The following TRHDE variants were observed in gnomAD, a reference collection of about 807,000 sequenced individuals.
TRHDE encodes the protein thyrotropin releasing hormone degrading enzyme.
In TRHDE, 72 loss-of-function variants were observed where a neutral mutation model predicts 125.7. That is an observed-to-expected ratio of 0.57 (90% CI 0.47 to 0.70). The LOEUF (loss-of-function observed/expected upper bound fraction) is 0.70. Among genes scored for constraint, TRHDE ranks in the 30% least tolerant of loss-of-function variants. TRHDE has a pLI of 0.00. For missense variants in TRHDE, 1,110 were observed against 1,327.1 expected (o/e 0.84, Z 2.54); for synonymous variants, 509 against 509.1 (o/e 1.00, Z 0.00).
intron 2 of TRHDE, among the ~76,000 whole-genome samples, chr12:72,337,658 T>C (rs941647272): frequency 6.6e-5 from 10 of 152,002 alleles, no homozygotes; most frequent in Admixed American, 2.0e-4. Context: ...CTATTCCCCT[T>C]TGCGTGCTCT....
intron 2 of TRHDE, among the ~76,000 whole-genome samples, chr12:72,317,792 G>A (rs2135706651): frequency 6.6e-6 from 1 of 152,222 alleles, no homozygotes; most frequent in East Asian, 1.9e-4. Context: ...GGAATGGGCA[G>A]GGAACATTCA....
intron 1 of TRHDE, among the ~76,000 whole-genome samples, chr12:72,275,645 AT>A (rs948033411): frequency 4.8e-4 from 73 of 152,096 alleles, no homozygotes; most frequent in African/African-American, 1.8e-3. Flanking sequence ...CTTTTGAAAA[AT>A]CCTGTTTTTT....
intron 2 of TRHDE, among the ~76,000 whole-genome samples, chr12:72,187,646 A>G (rs1191242035): frequency 6.6e-6 from 1 of 152,116 alleles, no homozygotes; most frequent in Non-Finnish European, 1.5e-5. Context: ...TCCTCTACCT[A>G]TCTTCTCTAG....
intron 2 of TRHDE, among the ~76,000 whole-genome samples, chr12:72,217,081 A>T (rs1340650044): frequency 6.6e-6 from 1 of 151,956 alleles, no homozygotes; most frequent in Non-Finnish European, 1.5e-5. Flanking sequence ...TTCAGTGTAC[A>T]TTGCTGTCCT....
At chr12:72,478,932 A>AC (rs1191553638) in intron 5 of TRHDE, among the ~76,000 whole-genome samples, 4 of 151,316 alleles carry the variant, frequency 2.6e-5, no homozygotes, top group South Asian at 4.2e-4. Context: ...CAAAAAAAAA[A>AC]AAAAAAAAAC....
At chr12:72,172,950 A>G (rs911775104) in intron 2 of TRHDE, among the ~76,000 whole-genome samples, 2 of 152,186 alleles carry the variant, frequency 1.3e-5, no homozygotes, top group African/African-American at 4.8e-5. Context: ...CTGCTGCCCT[A>G]GTGAGATGAG....
intron 15 of TRHDE, 29 bp downstream of exon 15, chr12:72,621,780 A>T: frequency 6.7e-7 from 1 of 1,488,242 alleles, no homozygotes; most frequent in Non-Finnish European, 9.3e-7. Context: ...TGTATTTCTG[A>T]TATTATTTAA....
At chr12:72,527,442 G>A (rs567861782) in intron 6 of TRHDE, among the ~76,000 whole-genome samples, 2 of 152,126 alleles carry the variant, frequency 1.3e-5, no homozygotes, top group South Asian at 2.1e-4. Context: ...CATGGAGAAC[G>A]TATACAAAAA....
At position 72,668,775 on chromosome 12, in the gene TRHDE, A is replaced by C. The variant is rs1362951334; in HGVS notation, c.*5580A>C. 1.3e-5 allele frequency: 2 copies of C among 151,904 alleles called. No individual in the cohort carries two copies. Among genetic ancestry groups the C allele is most frequent in the Non-Finnish European group, 2.9e-5 (2 of 67,862 alleles). The allele number at this position is 151,904 out of a possible 1,614,324, so 9.4% of individuals were successfully genotyped here. A position where few individuals can be genotyped will look rare whatever the true frequency, so the allele number is the denominator to read the frequency against. On this transcript the variant is annotated 3_prime_UTR_variant, in exon 19 of 19. Transcript: ENST00000261180. Reference sequence around the variant, plus strand: ...GGAGGCAGAGTTGTTATCAGTTTACATAATTAATTAGTGGTATTCACTTGG... The same window carrying C: ...GGAGGCAGAGTTGTTATCAGTTTACCTAATTAATTAGTGGTATTCACTTGG...
At chr12:72,090,800 T>A (rs1004859065) in intron 1 of TRHDE, among the ~76,000 whole-genome samples, 3 of 152,084 alleles carry the variant, frequency 2.0e-5, no homozygotes, top group Admixed American at 1.3e-4. Context: ...CTTGGCCTAT[T>A]GGTGTGTTGT....
At chr12:72,474,482 GAAT>G (rs1403370155) in intron 5 of TRHDE, among the ~76,000 whole-genome samples, 1 of 152,018 alleles carries the variant, frequency 6.6e-6, no homozygotes, top group Non-Finnish European at 1.5e-5. Context: ...CTGCTTCTGT[GAAT>G]TTGACTATTT....
chr12:72,290,746 C>T (rs991386866), intron 2 of TRHDE, among the ~76,000 whole-genome samples: 6 of 152,184 alleles, frequency 3.9e-5, no homozygotes, highest in Admixed American at 2.6e-4. Flanking sequence ...TGTGGCCTGG[C>T]TTGTTCAAAG....
chr12:72,621,728 T>A lies in TRHDE; in HGVS notation c.2652T>A (p.Asp884Glu). The A allele has an allele frequency of 1.2e-6, 2 of 1,604,122 alleles. No homozygotes were observed. The highest frequency in any genetic ancestry group is 1.7e-6 in the Non-Finnish European group (2 of 1,176,760). ...AACAGGCATCAACACTTATTTCAGA[T>A]TGGATTTCCAGCAACAGGAACAGGT... ...CHQQASTLISDWISSNRNRIP... is the reference protein window; with the variant it reads ...CHQQASTLISEWISSNRNRIP... The change falls in exon 15 of 19, where the codon GAT (aspartate) becomes GAA (glutamate). Residue 884 changes from aspartate (D) to glutamate (E), a missense_variant. Asp to Glu is a conservative substitution (Grantham distance 45, BLOSUM62 2). Around this residue, in one of 5 missense-constraint regions of TRHDE, gnomAD observed 527 missense variants for 651.8 expected, o/e 0.81. Transcript: ENST00000261180.
At chr12:72,150,911 C>T (rs1876346622) in intron 2 of TRHDE, among the ~76,000 whole-genome samples, 1 of 152,056 alleles carries the variant, frequency 6.6e-6, no homozygotes, top group Admixed American at 6.6e-5. Flanking sequence ...TGGGTATATA[C>T]CCAGTAATGG....
At chr12:72,452,151 T>C (rs978816118) in intron 3 of TRHDE, among the ~76,000 whole-genome samples, 9 of 152,004 alleles carry the variant, frequency 5.9e-5, no homozygotes, top group African/African-American at 2.2e-4. Context: ...GTTTTCATCA[T>C]ACAGGTATTC....
At chr12:72,337,650 A>C (rs887349027) in intron 2 of TRHDE, among the ~76,000 whole-genome samples, 1 of 151,686 alleles carries the variant, frequency 6.6e-6, no homozygotes, top group Non-Finnish European at 1.5e-5. Flanking sequence ...AATGCATTCT[A>C]TTCCCCTTTG....
chr12:72,111,839 C>T (rs1475874915), intron 2 of TRHDE, among the ~76,000 whole-genome samples: 1 of 152,104 alleles, frequency 6.6e-6, no homozygotes, highest in East Asian at 1.9e-4. Context: ...GGTTCTTAAA[C>T]AATTTTTCTC....
intron 12 of TRHDE, among the ~76,000 whole-genome samples, chr12:72,597,654 C>A (rs1871999589): frequency 8.7e-6 from 1 of 115,582 alleles, no homozygotes; most frequent in African/African-American, 3.5e-5. Flanking sequence ...GGTGCCAGAG[C>A]AAGACCTTGT....
intron 2 of TRHDE, among the ~76,000 whole-genome samples, chr12:72,242,847 C>G (rs1239216579): frequency 6.6e-6 from 1 of 152,154 alleles, no homozygotes; most frequent in Non-Finnish European, 1.5e-5. Flanking sequence ...TGGAGAATGG[C>G]TACTTCTCCT....
Sources: gnomAD v4.1 joint callset for allele counts (sites outside exome capture counted in the v4.1 genomes callset) on GRCh38, gnomAD v4.1.1 for gene constraint, gnomAD v4.1.1 regional missense constraint, MANE v1.5 for transcripts, NCBI Gene and HGNC (gene_info 2026-07-23, HGNC 2026-07-21) for gene names.